The following NAV2 variants were observed in gnomAD, a reference collection of about 807,000 sequenced individuals.
The protein encoded by NAV2 is neuron navigator 2.
A neutral mutation model predicts 223.2 loss-of-function variants in NAV2; 54 were observed. The observed-to-expected ratio is 0.24, with a 90% CI of 0.19 to 0.30. The LOEUF (loss-of-function observed/expected upper bound fraction) is 0.30. Among genes scored for constraint, NAV2 ranks in the 10% least tolerant of loss-of-function variants. NAV2 has a pLI of 1.00. For missense variants in NAV2, 2,806 were observed against 3,147.5 expected, an observed-to-expected ratio of 0.89 and a Z score of 2.60; for synonymous variants, 1,279 against 1,239.3, an observed-to-expected ratio of 1.03 and a Z score of -0.67.
chr11:19,974,618 C>T (rs12787526), intron 10 of NAV2, among the ~76,000 whole-genome samples: 2 of 152,150 alleles, frequency 1.3e-5, no homozygotes, highest in African/African-American at 2.4e-5. Context: ...TCCATCTCTA[C>T]AAAAAATTTA....
At chr11:19,712,778 G>A (rs1302209753), upstream of NAV2, among the ~76,000 whole-genome samples, 1 of 151,674 alleles carries the variant, frequency 6.6e-6, no homozygotes, top group East Asian at 1.9e-4. Context: ...GTGGACCAAT[G>A]GGCGCGCCGG....
intron 10 of NAV2, among the ~76,000 whole-genome samples, chr11:19,973,399 G>A (rs757020880): frequency 1.3e-5 from 2 of 152,210 alleles, no homozygotes; most frequent in African/African-American, 2.4e-5. Context: ...AGAAATCGCA[G>A]GAATGATAAG....
At chr11:19,574,771 G>A (rs1335301432) in intron 1 of NAV2, among the ~76,000 whole-genome samples, 1 of 152,168 alleles carries the variant, frequency 6.6e-6, no homozygotes, top group Admixed American at 6.5e-5. Flanking sequence ...TAAACTCTTT[G>A]AAAAGTAGAA....
chr11:19,486,987 G>C (rs1400819506), intron 1 of NAV2, among the ~76,000 whole-genome samples: 4 of 152,206 alleles, frequency 2.6e-5, no homozygotes, highest in Non-Finnish European at 5.9e-5. Context: ...TTAAGAGGAT[G>C]ATAAGGATAG....
At chr11:19,731,118 A>T (rs971786922) in intron 1 of NAV2, among the ~76,000 whole-genome samples, 1 of 152,188 alleles carries the variant, frequency 6.6e-6, no homozygotes, top group African/African-American at 2.4e-5. Context: ...ATGGATACCC[A>T]TGTGGGGTTA....
At chr11:19,631,327 A>C (rs371415204) in intron 1 of NAV2, among the ~76,000 whole-genome samples, 1 of 151,684 alleles carries the variant, frequency 6.6e-6, no homozygotes, top group Non-Finnish European at 1.5e-5. Flanking sequence ...TCATTGTTCA[A>C]TTCCCACCTA....
chr11:20,053,567 G>T (rs927298518), intron 17 of NAV2, among the ~76,000 whole-genome samples: 1 of 152,194 alleles, frequency 6.6e-6, no homozygotes, highest in Admixed American at 6.5e-5. Flanking sequence ...ATGAAGATTT[G>T]TTTGTGCTCT....
chr11:19,806,882 G>T (rs922472620), intron 1 of NAV2, among the ~76,000 whole-genome samples: 8 of 152,192 alleles, frequency 5.3e-5, no homozygotes, highest in African/African-American at 1.9e-4. Flanking sequence ...ATATCTCTAT[G>T]TAGAGTGTGA....
chr11:19,865,371 T>C (rs1204801625), intron 3 of NAV2, among the ~76,000 whole-genome samples: 1 of 152,134 alleles, frequency 6.6e-6, no homozygotes, highest in Non-Finnish European at 1.5e-5. Context: ...GTACAGTATT[T>C]AGAAGAAAAC....
At position 19,934,080 on chromosome 11, in the gene NAV2, C is replaced by T. The variant is rs868761725; in HGVS notation, c.1836C>T (p.Ser612=). 6.2e-7 allele frequency: 1 copy of T among 1,611,742 alleles called. No individual in the cohort carries two copies. The highest frequency in any genetic ancestry group is 8.5e-7 in the Non-Finnish European group (1 of 1,178,884). The change falls in exon 7 of 38, where the codon TCC becomes TCT. Residue 612 remains serine (S), a synonymous_variant. Coordinates refer to ENST00000349880, the MANE Select transcript of NAV2 (RefSeq NM_145117.5). ...AGCTGGACGGCAGACACTCCAGTTC[C>T]TCTTCCAGCCTGGCGTCCTCAGAAG... ...KPQLDGRHSS[S]SSSLASSEGK...
At chr11:19,844,547 CA>C (rs1187521691) in intron 3 of NAV2, among the ~76,000 whole-genome samples, 1 of 152,148 alleles carries the variant, frequency 6.6e-6, no homozygotes, top group Non-Finnish European at 1.5e-5. Context: ...TCTGAAAATC[CA>C]AAGTGTTTCA....
intron 10 of NAV2, among the ~76,000 whole-genome samples, chr11:19,959,387 A>G (rs895941453): frequency 6.6e-6 from 1 of 152,154 alleles, no homozygotes; most frequent in African/African-American, 2.4e-5. Flanking sequence ...ATGAAGAGGC[A>G]AAATGTGGGG....
intron 3 of NAV2, among the ~76,000 whole-genome samples, chr11:19,868,162 G>T (rs922521721): frequency 6.6e-6 from 1 of 152,178 alleles, no homozygotes; most frequent in Non-Finnish European, 1.5e-5. Flanking sequence ...AAAGACCTCT[G>T]TGCCAAGTCT....
chr11:19,879,220 GAAA>G (rs760261371), intron 4 of NAV2, among the ~76,000 whole-genome samples: 8 of 152,134 alleles, frequency 5.3e-5, no homozygotes, highest in Non-Finnish European at 1.2e-4. Flanking sequence ...TTTTAACATT[GAAA>G]AATACTGTCT....
intron 1 of NAV2, among the ~76,000 whole-genome samples, chr11:19,393,906 C>CTTTTT (rs5790073): frequency 0.024 from 3,221 of 135,646 alleles, 156 homozygotes; most frequent in African/African-American, 0.081. Flanking sequence ...TTTTTTTTTT[C>CTTTTT]TTTTTTTTTT....
chr11:20,024,784 T>C (rs770462716), intron 11 of NAV2, among the ~76,000 whole-genome samples: 4 of 152,134 alleles, frequency 2.6e-5, no homozygotes, highest in African/African-American at 4.8e-5. Context: ...CCCTAAGATA[T>C]ATTGGGAGCT....
At chr11:19,653,215 T>C (rs573138670) in intron 1 of NAV2, among the ~76,000 whole-genome samples, 3 of 152,348 alleles carry the variant, frequency 2.0e-5, no homozygotes, top group Non-Finnish European at 4.4e-5. Context: ...TAAGTGCTCT[T>C]GTTAATGTTT....
At chr11:20,043,686 C>T (rs2057166385) in intron 12 of NAV2, among the ~76,000 whole-genome samples, 1 of 152,170 alleles carries the variant, frequency 6.6e-6, no homozygotes, top group African/African-American at 2.4e-5. Flanking sequence ...AAGTGATCCT[C>T]CCGCCTCAGC....
rs2058692420 is a variant in NAV2, at chr11:19,808,509, T to G, written c.268-23975T>G. Among the ~76,000 whole-genome samples the G allele has an allele frequency of 3.3e-5, 5 of 152,340 alleles. No individual in the cohort carries two copies. The South Asian group carries it at 1.0e-3, about 32-fold the overall frequency. On this transcript the variant is annotated intron_variant, in intron 1 of 37. Coordinates refer to ENST00000349880, the MANE Select transcript of NAV2 (RefSeq NM_145117.5). ...TTAGTTTTATTAAGTTTGGAGGAAT[T>G]AATTTGTCACTTTATTTTTTCTTTT...
Sources: gnomAD v4.1 joint callset for allele counts (sites outside exome capture counted in the v4.1 genomes callset) on GRCh38, gnomAD v4.1.1 for gene constraint, MANE v1.5 for transcripts, NCBI Gene and HGNC (gene_info 2026-07-23, HGNC 2026-07-21) for gene names.